KIAA1217: variants seen among roughly 807,000 people sequenced by gnomAD.
KIAA1217 encodes the protein KIAA1217.
Under a neutral mutation model 163.9 loss-of-function variants are expected in KIAA1217, and 88 were observed. That is an observed-to-expected ratio of 0.54 (90% CI 0.45 to 0.64). The LOEUF is 0.64. Ranked by LOEUF, KIAA1217 falls within the 30% of genes least tolerant of loss-of-function variation. KIAA1217 has a pLI of 0.00. For missense variants in KIAA1217, 2,372 were observed against 2,475.0 expected, an observed-to-expected ratio of 0.96 and a Z score of 0.88; for synonymous variants, 903 against 923.1, an observed-to-expected ratio of 0.98 and a Z score of 0.39.
intron 2 of KIAA1217, among the ~76,000 whole-genome samples, chr10:24,254,052 A>C (rs1211416037): frequency 6.6e-6 from 1 of 152,234 alleles, no homozygotes; most frequent in Non-Finnish European, 1.5e-5. Context: ...CCTCAATGAC[A>C]TGACCATTTA....
At chr10:23,842,240 A>G (rs773116152) in intron 1 of KIAA1217, among the ~76,000 whole-genome samples, 22 of 152,068 alleles carry the variant, frequency 1.4e-4, no homozygotes, top group African/African-American at 2.4e-4. Context: ...CTGTTTTCCA[A>G]TCTACAAGAT....
chr10:24,091,661 T>C (rs948674842), intron 2 of KIAA1217, among the ~76,000 whole-genome samples: 2 of 151,870 alleles, frequency 1.3e-5, no homozygotes, highest in Non-Finnish European at 2.9e-5. Flanking sequence ...AAGAGTGTTT[T>C]TGTAGAAACT....
intron 2 of KIAA1217, among the ~76,000 whole-genome samples, chr10:24,063,343 C>T (rs1400255138): frequency 6.6e-6 from 1 of 152,166 alleles, no homozygotes; most frequent in African/African-American, 2.4e-5. Context: ...GATCCAGTTT[C>T]AGTTTTCTGC....
intron 2 of KIAA1217, among the ~76,000 whole-genome samples, chr10:24,150,444 C>T (rs1452056844): frequency 1.3e-5 from 2 of 152,198 alleles, no homozygotes; most frequent in African/African-American, 4.8e-5. Flanking sequence ...TTCTGTCTCA[C>T]TGTGGAGTAT....
At chr10:23,887,839 G>C (rs1160295717) in intron 1 of KIAA1217, among the ~76,000 whole-genome samples, 2 of 151,876 alleles carry the variant, frequency 1.3e-5, no homozygotes, top group Non-Finnish European at 2.9e-5. Context: ...AAAACAACTG[G>C]AAAGTTTTAC....
chr10:23,958,415 C>G (rs1368928743), intron 1 of KIAA1217, among the ~76,000 whole-genome samples: 1 of 152,114 alleles, frequency 6.6e-6, no homozygotes, highest in African/African-American at 2.4e-5. Context: ...AGGATTTTAG[C>G]AGTGCTTTAT....
At chr10:24,144,168 T>A (rs2064204256) in intron 2 of KIAA1217, among the ~76,000 whole-genome samples, 1 of 152,260 alleles carries the variant, frequency 6.6e-6, no homozygotes, top group South Asian at 2.1e-4. Context: ...ATATGTTCAT[T>A]CCAATCTTCA....
chr10:24,491,615 C>G (rs893337374), intron 6 of KIAA1217, among the ~76,000 whole-genome samples: 2 of 152,044 alleles, frequency 1.3e-5, no homozygotes, highest in African/African-American at 4.8e-5. Context: ...TGCTGATGCT[C>G]TCCTTTGTTG....
chr10:23,874,592 G>C (rs368590988), intron 1 of KIAA1217, among the ~76,000 whole-genome samples: 71 of 151,974 alleles, frequency 4.7e-4, no homozygotes, highest in African/African-American at 1.6e-3. Context: ...CCTTAATCTA[G>C]AACAATGCTA....
chr10:24,195,982 A>G (rs996588281), intron 2 of KIAA1217, among the ~76,000 whole-genome samples: 1 of 151,738 alleles, frequency 6.6e-6, no homozygotes, highest in Non-Finnish European at 1.5e-5. Flanking sequence ...TTTTTTTTAC[A>G]TAATTATCCA....
chr10:24,151,528 G>A (rs909972978), intron 2 of KIAA1217, among the ~76,000 whole-genome samples: 2 of 149,346 alleles, frequency 1.3e-5, no homozygotes, highest in Non-Finnish European at 3.0e-5. Context: ...CATCATACAC[G>A]GCGTTGTAAG....
intron 1 of KIAA1217, among the ~76,000 whole-genome samples, chr10:23,744,602 G>T (rs78280691): frequency 6.6e-6 from 1 of 152,158 alleles, no homozygotes. Flanking sequence ...ACGTGGAAAA[G>T]GCATGATGGA....
chr10:23,796,294 T>G (rs1239825762), intron 1 of KIAA1217, among the ~76,000 whole-genome samples: 2 of 152,124 alleles, frequency 1.3e-5, no homozygotes, highest in Non-Finnish European at 2.9e-5. Flanking sequence ...TTTCCCCATT[T>G]GTAAAGTGGA....
chr10:24,414,764 G>A (rs557669225), intron 3 of KIAA1217, among the ~76,000 whole-genome samples: 62 of 152,234 alleles, frequency 4.1e-4, no homozygotes, highest in African/African-American at 1.4e-3. Context: ...GCATGGTTTC[G>A]CCACCCTCAG....
At chr10:24,253,787 C>T (rs987812611) in intron 2 of KIAA1217, among the ~76,000 whole-genome samples, 20 of 151,652 alleles carry the variant, frequency 1.3e-4, no homozygotes, top group Admixed American at 8.5e-4. Context: ...TAGTGGTACT[C>T]ACCTGTAGTC....
At chr10:23,875,871 T>C (rs1840667695) in intron 1 of KIAA1217, among the ~76,000 whole-genome samples, 1 of 140,710 alleles carries the variant, frequency 7.1e-6, no homozygotes, top group African/African-American at 2.7e-5. Context: ...ACACTGCATG[T>C]CCTCACTCAT....
chr10:24,467,788 A>ATGTGTGTATGTGTATGTGTGTGTGTATG (rs1216116205), intron 5 of KIAA1217, among the ~76,000 whole-genome samples: 2 of 146,872 alleles, frequency 1.4e-5, no homozygotes, highest in Non-Finnish European at 3.0e-5. Context: ...GGCAACTCGT[A>ATGTGTGTATGTGTATGTGTGTGTGTATG]TGTGTGTATG....
At chr10:24,136,263 T>C (rs2063828493) in intron 2 of KIAA1217, among the ~76,000 whole-genome samples, 1 of 152,162 alleles carries the variant, frequency 6.6e-6, no homozygotes, top group African/African-American at 2.4e-5. Context: ...TAATGAGTAA[T>C]TGATGCTTGC....
At chr10:24,004,323 A>G (rs1272152133) in intron 1 of KIAA1217, among the ~76,000 whole-genome samples, 1 of 149,908 alleles carries the variant, frequency 6.7e-6, no homozygotes, top group African/African-American at 2.5e-5. Context: ...AGGTTAAGCC[A>G]AGTGGTCTTG....
Sources: allele counts gnomAD v4.1 joint callset (sites outside exome capture counted in the v4.1 genomes callset), GRCh38; gene constraint gnomAD v4.1.1; transcripts MANE v1.5; gene names NCBI Gene and HGNC (gene_info 2026-07-23, HGNC 2026-07-21).